Variants in UBE2E2 observed in about 807,000 individuals in gnomAD.
The protein encoded by UBE2E2 is ubiquitin-conjugating enzyme E2 E2.
Under a neutral mutation model 24.7 loss-of-function variants are expected in UBE2E2, and 6 were observed. That is an observed-to-expected ratio of 0.24 (90% CI 0.13 to 0.48). The LOEUF (loss-of-function observed/expected upper bound fraction) is 0.48. UBE2E2 is among the 20% of genes least tolerant of loss of function. UBE2E2 has a pLI of 0.99. For missense variants in UBE2E2, 169 were observed against 245.0 expected, an observed-to-expected ratio of 0.69 and a Z score of 2.07; for synonymous variants, 104 against 83.6, an observed-to-expected ratio of 1.24 and a Z score of -1.33.
intron 3 of UBE2E2, among the ~76,000 whole-genome samples, chr3:23,289,525 A>C: frequency 6.6e-6 from 1 of 152,238 alleles, no homozygotes; most frequent in East Asian, 1.9e-4. Flanking sequence ...TGATGGATGA[A>C]TAGGAAGTAG....
chr3:23,245,288 G>A (rs900490714), intron 3 of UBE2E2, among the ~76,000 whole-genome samples: 2 of 152,112 alleles, frequency 1.3e-5, no homozygotes, highest in African/African-American at 4.8e-5. Flanking sequence ...AGAAAATATT[G>A]AGTTCTCATA....
At chr3:23,273,672 A>G (rs1468700165) in intron 3 of UBE2E2, 2 of 152,252 alleles carry the variant, frequency 1.3e-5, no homozygotes, top group East Asian at 1.9e-4. Context: ...CAGTGACATT[A>G]TTGTATACTT....
intron 3 of UBE2E2, among the ~76,000 whole-genome samples, chr3:23,249,104 C>T (rs1208205701): frequency 3.3e-5 from 5 of 151,946 alleles, no homozygotes; most frequent in African/African-American, 4.8e-5. Flanking sequence ...AACCTTGTCT[C>T]TCCAAAAAAT....
chr3:23,355,050 TA>T (rs1189693527), intron 3 of UBE2E2, among the ~76,000 whole-genome samples: 1 of 151,864 alleles, frequency 6.6e-6, no homozygotes, highest in East Asian at 1.9e-4. Context: ...TATGCAGCCA[TA>T]AAAAATGATG....
intron 3 of UBE2E2, among the ~76,000 whole-genome samples, chr3:23,455,334 A>G (rs1327303898): frequency 6.6e-6 from 1 of 152,180 alleles, no homozygotes; most frequent in Non-Finnish European, 1.5e-5. Flanking sequence ...TTCCCAGTGC[A>G]TCCAAAAATT....
chr3:23,254,779 T>TAGAA (rs1444934708), intron 3 of UBE2E2, among the ~76,000 whole-genome samples: 1 of 151,868 alleles, frequency 6.6e-6, no homozygotes, highest in East Asian at 1.9e-4. Flanking sequence ...CAAAGATAAG[T>TAGAA]AGAAATTAGA....
chr3:23,430,389 A>G (rs1325408281), intron 3 of UBE2E2, among the ~76,000 whole-genome samples: 1 of 152,072 alleles, frequency 6.6e-6, no homozygotes, highest in Non-Finnish European at 1.5e-5. Context: ...AGGTAGTGAT[A>G]GTAACACTAC....
chr3:23,481,089 G>C (rs1695185), intron 3 of UBE2E2, among the ~76,000 whole-genome samples: 37,525 of 152,016 alleles, frequency 0.25, 4,976 homozygotes, highest in African/African-American at 0.36. Context: ...TAAATAATGA[G>C]AGTTAGATTT....
chr3:23,315,196 C>G (rs182001332), intron 3 of UBE2E2, among the ~76,000 whole-genome samples: 4 of 152,266 alleles, frequency 2.6e-5, no homozygotes, highest in African/African-American at 9.6e-5. Context: ...TTCCCCTCCC[C>G]TTTCCCCAGG....
intron 3 of UBE2E2, among the ~76,000 whole-genome samples, chr3:23,478,720 CAG>C (rs1699189366): frequency 2.6e-5 from 4 of 151,992 alleles, no homozygotes; most frequent in Non-Finnish European, 2.9e-5. Context: ...CTATTATGTG[CAG>C]AGAGTCATCT....
intron 3 of UBE2E2, among the ~76,000 whole-genome samples, chr3:23,397,517 A>G (rs908675192): frequency 2.6e-5 from 4 of 152,200 alleles, no homozygotes; most frequent in Middle Eastern, 3.2e-3. Context: ...AATCTCCCAC[A>G]TTCCCTTTCC....
At chr3:23,546,039 T>A (rs1324028743) in intron 5 of UBE2E2, among the ~76,000 whole-genome samples, 3 of 152,190 alleles carry the variant, frequency 2.0e-5, no homozygotes, top group African/African-American at 7.2e-5. Flanking sequence ...GATAAAAAAC[T>A]ATATATTGGG....
chr3:23,327,383 A>G (rs946909348), intron 3 of UBE2E2, among the ~76,000 whole-genome samples: 15 of 152,102 alleles, frequency 9.9e-5, no homozygotes, highest in African/African-American at 2.2e-4. Context: ...GTGTGAGATG[A>G]TATCTCATTG....
At chr3:23,229,640 T>C (rs566741149) in intron 3 of UBE2E2, among the ~76,000 whole-genome samples, 1 of 152,306 alleles carries the variant, frequency 6.6e-6, no homozygotes, top group African/African-American at 2.4e-5. Flanking sequence ...ACTTCAGAGC[T>C]CAAGTGTTTT....
rs574461544 is a variant in UBE2E2, at chr3:23,565,444, CTTTTTTTTTTTTTTTT to C, written c.509-24278_509-24263del. ...GTCCTTATCCCAAAAATAGGCATGGCTTTTTTTTTTTTTTTTTTTTTTTTTTTCAGTGAAAGAGGTT... is the reference window on the plus strand; with the variant it reads ...GTCCTTATCCCAAAAATAGGCATGGCTTTTTTTTTTTCAGTGAAAGAGGTT... On this transcript the variant is annotated intron_variant, in intron 5 of 5. Coordinates refer to ENST00000396703, the MANE Select transcript of UBE2E2 (RefSeq NM_152653.4). Among the ~76,000 whole-genome samples, 4 of 46,246 alleles carry C rather than the reference CTTTTTTTTTTTTTTTT, an allele frequency of 8.6e-5. No individual in the cohort carries two copies. The South Asian group carries it at 4.1e-3, about 48-fold the overall frequency. 30.3% of individuals were successfully genotyped at this position (46,246 alleles called of 152,430 possible).
intron 3 of UBE2E2, among the ~76,000 whole-genome samples, chr3:23,409,920 C>T (rs750078282): frequency 1.5e-4 from 23 of 152,194 alleles, no homozygotes; most frequent in Non-Finnish European, 2.9e-4. Context: ...ATTCCAAATA[C>T]TGTCATCTTT....
intron 3 of UBE2E2, among the ~76,000 whole-genome samples, chr3:23,402,006 A>G (rs978510877): frequency 4.0e-5 from 6 of 151,658 alleles, no homozygotes; most frequent in African/African-American, 9.7e-5. Context: ...ACAGGCGTGC[A>G]CTACCACGCC....
chr3:23,409,253 G>GT (rs1427752022), intron 3 of UBE2E2, among the ~76,000 whole-genome samples: 2 of 152,192 alleles, frequency 1.3e-5, no homozygotes, highest in Admixed American at 1.3e-4. Context: ...AAAGCAGAGT[G>GT]TTACACAGTT....
At chr3:23,257,713 A>G (rs1236643194) in intron 3 of UBE2E2, among the ~76,000 whole-genome samples, 8 of 151,322 alleles carry the variant, frequency 5.3e-5, no homozygotes, top group African/African-American at 1.9e-4. Flanking sequence ...ACCAAAACAT[A>G]CCCAATATCT....
Sources: gnomAD v4.1 joint callset for allele counts (sites outside exome capture counted in the v4.1 genomes callset) on GRCh38, gnomAD v4.1.1 for gene constraint, MANE v1.5 for transcripts, NCBI Gene and HGNC (gene_info 2026-07-23, HGNC 2026-07-21) for gene names.